The following TRPC6 variants were observed in gnomAD, a reference collection of about 807,000 sequenced individuals.
The protein encoded by TRPC6 is transient receptor potential cation channel subfamily C member 6.
Under a neutral mutation model 90.7 loss-of-function variants are expected in TRPC6, and 55 were observed. That is an observed-to-expected ratio of 0.61 (90% CI 0.49 to 0.76). The LOEUF is 0.76. Among genes scored for constraint, TRPC6 ranks in the 30% least tolerant of loss-of-function variants. TRPC6 has a pLI of 0.00. For synonymous variants in TRPC6, 393 were observed against 393.0 expected, an observed-to-expected ratio of 1.00 and a Z score of 0.00; for missense variants, 989 against 1,122.7, an observed-to-expected ratio of 0.88 and a Z score of 1.70.
chr11:101,527,776 G>A (rs1056470553), intron 1 of TRPC6, among the ~76,000 whole-genome samples: 2 of 152,066 alleles, frequency 1.3e-5, no homozygotes, highest in Admixed American at 6.5e-5. Flanking sequence ...GTGATGGAGT[G>A]TAAAATATTT....
intron 2 of TRPC6, among the ~76,000 whole-genome samples, chr11:101,499,603 T>TATACATAC (rs375026688): frequency 1.5e-5 from 1 of 68,724 alleles, no homozygotes; most frequent in Non-Finnish European, 3.0e-5. Flanking sequence ...TATACGTATA[T>TATACATAC]ATGGTATATA....
chr11:101,578,278 T>G (rs1335895143), intron 1 of TRPC6, among the ~76,000 whole-genome samples: 1 of 151,850 alleles, frequency 6.6e-6, no homozygotes, highest in East Asian at 1.9e-4. Flanking sequence ...TTTAATATGA[T>G]GCATAGGCCT....
At chr11:101,489,203 T>A (rs1358052202) in intron 3 of TRPC6, 102 bp from the exon 4 acceptor site, 1 of 1,050,426 alleles carries the variant, frequency 9.5e-7, no homozygotes, top group South Asian at 1.4e-5. Context: ...ATGAAATACA[T>A]TGTTAGAATT....
intron 1 of TRPC6, among the ~76,000 whole-genome samples, chr11:101,580,081 G>T (rs980625759): frequency 1.3e-5 from 2 of 152,046 alleles, no homozygotes; most frequent in Non-Finnish European, 1.5e-5. Context: ...TTTTCAGATT[G>T]TCTCAGTCAG....
At chr11:101,558,983 C>G (rs1861650603) in intron 1 of TRPC6, among the ~76,000 whole-genome samples, 1 of 151,572 alleles carries the variant, frequency 6.6e-6, no homozygotes, top group African/African-American at 2.4e-5. Flanking sequence ...GATTTAAGCC[C>G]AAAAGTGCAG....
intron 3 of TRPC6, 47 bp downstream of exon 3, chr11:101,491,509 C>A (rs764461951): frequency 1.2e-6 from 2 of 1,605,672 alleles, no homozygotes; most frequent in South Asian, 1.1e-5. Flanking sequence ...TTATTTAGCA[C>A]CAACAAGAAC....
At chr11:101,541,234 T>C (rs528076605) in intron 1 of TRPC6, among the ~76,000 whole-genome samples, 16 of 152,228 alleles carry the variant, frequency 1.1e-4, no homozygotes, top group Non-Finnish European at 2.4e-4. Flanking sequence ...GATGAAAACA[T>C]ATCCAAAATG....
At chr11:101,531,709 G>A (rs1860916271) in intron 1 of TRPC6, among the ~76,000 whole-genome samples, 1 of 152,154 alleles carries the variant, frequency 6.6e-6, no homozygotes, top group Admixed American at 6.5e-5. Flanking sequence ...AAATATGCAA[G>A]GCCCAAATCA....
chr11:101,485,484 G>T (rs1394013803), intron 4 of TRPC6, among the ~76,000 whole-genome samples: 1 of 151,634 alleles, frequency 6.6e-6, no homozygotes, highest in Non-Finnish European at 1.5e-5. Context: ...AATGTTTTAT[G>T]TATGATTTAT....
chr11:101,482,696 A>G (rs1859579237), intron 5 of TRPC6, among the ~76,000 whole-genome samples: 1 of 152,198 alleles, frequency 6.6e-6, no homozygotes, highest in Non-Finnish European at 1.5e-5. Context: ...GTGGGATGTG[A>G]TTGATACTAC....
chr11:101,472,361 A>G (rs766996691), intron 7 of TRPC6, 29 bp from the exon 8 acceptor site: 3 of 1,593,384 alleles, frequency 1.9e-6, no homozygotes, highest in Non-Finnish European at 2.6e-6. Flanking sequence ...AAGAAAAGAA[A>G]TAAGAAAGTG....
In TRPC6 at chr11:101,504,299, T is replaced by A; in HGVS notation, c.670A>T (p.Ile224Phe). 6.2e-7 allele frequency: 1 copy of A among 1,613,238 alleles called. No individual in the cohort carries two copies. Among genetic ancestry groups the A allele is most frequent in the Admixed American group, 1.7e-5 (1 of 59,990 alleles). The change falls in exon 2 of 13, where the codon ATT becomes TTT. Residue 224 changes from isoleucine (I) to phenylalanine (F), a missense_variant. By Grantham distance (21) the Ile-to-Phe change is conservative (BLOSUM62 0). Transcript: ENST00000344327. ...TATTCCTGGCAGTGGGCAGCCAGAATGATTGGAGTCACATCATGGGAGAAC... is the reference window on the plus strand; with the variant it reads ...TATTCCTGGCAGTGGGCAGCCAGAAAGATTGGAGTCACATCATGGGAGAAC... ...TRFSHDVTPI[I>F]LAAHCQEYEI...
chr11:101,481,760 C>T (rs1429244936), intron 5 of TRPC6, among the ~76,000 whole-genome samples: 2 of 152,178 alleles, frequency 1.3e-5, no homozygotes, highest in Non-Finnish European at 2.9e-5. Flanking sequence ...CTCTTTAAAG[C>T]CACCGTCTAT....
At chr11:101,512,787 AC>A (rs1860425008) in intron 1 of TRPC6, among the ~76,000 whole-genome samples, 1 of 152,192 alleles carries the variant, frequency 6.6e-6, no homozygotes, top group Non-Finnish European at 1.5e-5. Flanking sequence ...ATACCAGCAA[AC>A]TATATCCAAA....
intron 1 of TRPC6, among the ~76,000 whole-genome samples, chr11:101,567,071 T>TCG (rs1861850551): frequency 1.0e-4 from 6 of 58,158 alleles, no homozygotes; most frequent in Non-Finnish European, 1.9e-4. Context: ...CGGGGCGGGG[T>TCG]GGGGGGGGTC....
In TRPC6 at chr11:101,578,179, G is replaced by A. The variant is rs78736170; in HGVS notation, c.170+5155C>T. On this transcript the variant is annotated intron_variant, in intron 1 of 12. Coordinates refer to ENST00000344327, the MANE Select transcript of TRPC6 (RefSeq NM_004621.6). The stretch of plus-strand genomic sequence containing the variant: ...TACATTCTAGTCAGAGGAAAAGGAC[G>A]TGTGAACAAATAAATGTAAAAATGT... Among the ~76,000 whole-genome samples the A allele has an allele frequency of 2.1e-3, 325 of 152,282 alleles. 4 individuals are homozygous for A. The highest frequency in any genetic ancestry group is 7.1e-3 in the African/African-American group (293 of 41,560).
intron 1 of TRPC6, among the ~76,000 whole-genome samples, chr11:101,560,879 G>A (rs550623093): frequency 1.3e-5 from 2 of 152,134 alleles, no homozygotes; most frequent in Non-Finnish European, 2.9e-5. Flanking sequence ...GGTAAGGAGA[G>A]TTAATGTTGG....
At chr11:101,561,428 G>GC (rs1257138963) in intron 1 of TRPC6, among the ~76,000 whole-genome samples, 1 of 152,096 alleles carries the variant, frequency 6.6e-6, no homozygotes, top group East Asian at 1.9e-4. Flanking sequence ...TGAGTTCCAT[G>GC]CCAACTCTTT....
At chr11:101,499,155 G>A (rs1860026422) in intron 2 of TRPC6, among the ~76,000 whole-genome samples, 1 of 152,244 alleles carries the variant, frequency 6.6e-6, no homozygotes, top group South Asian at 2.1e-4. Flanking sequence ...AGGGAATACT[G>A]AATACCAAAC....
Sources: allele counts gnomAD v4.1 joint callset (sites outside exome capture counted in the v4.1 genomes callset), GRCh38; gene constraint gnomAD v4.1.1; transcripts MANE v1.5; gene names NCBI Gene and HGNC (gene_info 2026-07-23, HGNC 2026-07-21).